The following SCAPER variants were observed in gnomAD, a reference collection of about 807,000 sequenced individuals.
SCAPER encodes S phase cyclin A-associated protein in the endoplasmic reticulum.
SCAPER carries 98 observed loss-of-function variants against 182.2 expected under a neutral mutation model. The observed-to-expected ratio is 0.54, with a 90% CI of 0.46 to 0.64. The LOEUF is 0.64. Among genes scored for constraint, SCAPER ranks in the 30% least tolerant of loss-of-function variants. The probability of loss-of-function intolerance (pLI) is 0.00; values close to 1 mark genes in which losing one functional copy is unlikely to be tolerated. For missense variants in SCAPER, 1,432 were observed against 1,690.0 expected (o/e 0.85, Z 2.68); for synonymous variants, 605 against 564.6 (o/e 1.07, Z -1.01).
At chr15:76,832,852 A>G (rs2151725107) in intron 5 of SCAPER, among the ~76,000 whole-genome samples, 1 of 152,272 alleles carries the variant, frequency 6.6e-6, no homozygotes, top group South Asian at 2.1e-4. Context: ...CCAGAAACAG[A>G]TGCTGGATGC....
chr15:76,388,909 T>A (rs1015194659), intron 27 of SCAPER, among the ~76,000 whole-genome samples: 1 of 149,932 alleles, frequency 6.7e-6, no homozygotes, highest in South Asian at 2.1e-4. Flanking sequence ...TGCAGTGAGC[T>A]GAGATCACGA....
At chr15:76,621,686 C>T in intron 22 of SCAPER, 78 bp downstream of exon 22, 1 of 1,143,972 alleles carries the variant, frequency 8.7e-7, no homozygotes, top group South Asian at 1.4e-5. Context: ...TTATTACAGA[C>T]ATAACATGAT....
At position 76,715,696 on chromosome 15, in the gene SCAPER, T is replaced by C. The variant is rs188016329; in HGVS notation, c.2166-9712A>G. 4.6e-5 allele frequency among the ~76,000 whole-genome samples: 7 copies of C among 152,220 alleles called. No homozygotes were observed. The East Asian group carries it at 1.2e-3, about 25-fold the overall frequency. ...AGCTACCATGTTACCCAGTTGGTTCTGGATCCCAAATGGCAACTGTTCACT... is the reference window on the plus strand; with the variant it reads ...AGCTACCATGTTACCCAGTTGGTTCCGGATCCCAAATGGCAACTGTTCACT... On this transcript the variant is annotated intron_variant, in intron 17 of 31. Transcript: ENST00000563290.
chr15:76,660,301 T>C (rs909407757), intron 21 of SCAPER, among the ~76,000 whole-genome samples: 3 of 152,196 alleles, frequency 2.0e-5, no homozygotes, highest in African/African-American at 7.2e-5. Context: ...GCTTATTACC[T>C]GGATGACAAA....
At chr15:76,540,028 G>A (rs2044591784) in intron 23 of SCAPER, among the ~76,000 whole-genome samples, 1 of 152,052 alleles carries the variant, frequency 6.6e-6, no homozygotes, top group Admixed American at 6.5e-5. Context: ...ACTATTCCAT[G>A]GAATACTATT....
chr15:76,829,565 T>C (rs2068279592), intron 5 of SCAPER, among the ~76,000 whole-genome samples: 1 of 152,166 alleles, frequency 6.6e-6, no homozygotes, highest in Non-Finnish European at 1.5e-5. Context: ...TTACTCCAAC[T>C]ACTCTCTTAC....
At chr15:76,485,950 G>A (rs1211096799) in intron 24 of SCAPER, among the ~76,000 whole-genome samples, 2 of 152,150 alleles carry the variant, frequency 1.3e-5, no homozygotes, top group Non-Finnish European at 2.9e-5. Flanking sequence ...GCTCATGCCT[G>A]TAATCTCAGT....
In SCAPER at chr15:76,471,219, T is replaced by C. The variant is rs1464854776; in HGVS notation, c.3071A>G (p.Gln1024Arg). The change falls in exon 25 of 32, where the codon CAG becomes CGG. Residue 1024 changes from glutamine (Q) to arginine (R), a missense_variant. This residue lies in a region of SCAPER where 718 missense variants were observed against 799.7 expected (regional missense o/e 0.90). Transcript: ENST00000563290. ...ITFLMDLLIH[Q>R]LTVYVPDENN... Reference sequence around the variant, plus strand: ...AGCAATAATATTACATACCGTCAACTGGTGTATCAGGAGGTCCATTAAGAA... The same window carrying C: ...AGCAATAATATTACATACCGTCAACCGGTGTATCAGGAGGTCCATTAAGAA... 1 of 1,606,562 alleles carries C rather than the reference T, an allele frequency of 6.2e-7. No homozygotes were observed. Among genetic ancestry groups the C allele is most frequent in the Non-Finnish European group, 8.5e-7 (1 of 1,177,030 alleles).
chr15:76,793,258 G>T, intron 8 of SCAPER: 1 of 1,027,222 alleles, frequency 9.7e-7, no homozygotes, highest in Non-Finnish European at 1.5e-6. Context: ...ATATATATTT[G>T]GTCTTCATCT....
At chr15:76,452,081 A>G (rs2048404572) in intron 25 of SCAPER, among the ~76,000 whole-genome samples, 1 of 151,798 alleles carries the variant, frequency 6.6e-6, no homozygotes, top group South Asian at 2.1e-4. Flanking sequence ...TTTTAGTCCC[A>G]CTATTCCATT....
intron 22 of SCAPER, chr15:76,576,767 A>T (rs968264888): frequency 2.0e-5 from 3 of 152,170 alleles, no homozygotes; most frequent in Non-Finnish European, 4.4e-5. Flanking sequence ...TGGCAGTGAG[A>T]CTTTGCCTTG....
chr15:76,524,911 G>A (rs2043092756), intron 23 of SCAPER, among the ~76,000 whole-genome samples: 1 of 151,716 alleles, frequency 6.6e-6, no homozygotes, highest in African/African-American at 2.4e-5. Context: ...CATAATTACT[G>A]ACCATATTAA....
At chr15:76,402,995 A>T (rs144627423) in intron 27 of SCAPER, among the ~76,000 whole-genome samples, 101 of 152,328 alleles carry the variant, frequency 6.6e-4, no homozygotes, top group African/African-American at 2.2e-3. Flanking sequence ...CACATACGGA[A>T]ATGCTTATAT....
At chr15:76,863,996 C>A (rs2072077273) in intron 2 of SCAPER, among the ~76,000 whole-genome samples, 1 of 152,122 alleles carries the variant, frequency 6.6e-6, no homozygotes, top group Admixed American at 6.6e-5. Flanking sequence ...TGTGAGTGAG[C>A]CATTTTGGAC....
chr15:76,512,355 A>T (rs1270192727), intron 23 of SCAPER, among the ~76,000 whole-genome samples: 1 of 152,114 alleles, frequency 6.6e-6, no homozygotes, highest in Non-Finnish European at 1.5e-5. Context: ...GACTGAAGGA[A>T]ATGTTCGCCC....
At chr15:76,713,706 C>T (rs1174034414) in intron 17 of SCAPER, among the ~76,000 whole-genome samples, 1 of 151,926 alleles carries the variant, frequency 6.6e-6, no homozygotes, top group African/African-American at 2.4e-5. Flanking sequence ...GTGCAGCACA[C>T]CAGCATGGCA....
intron 1 of SCAPER, among the ~76,000 whole-genome samples, chr15:76,899,429 G>A (rs942075380): frequency 6.6e-6 from 1 of 152,236 alleles, no homozygotes. Context: ...CTCCCGAGGT[G>A]CTGGGATTGC....
At chr15:76,876,189 C>A (rs1450966121) in intron 2 of SCAPER, among the ~76,000 whole-genome samples, 2 of 152,174 alleles carry the variant, frequency 1.3e-5, no homozygotes, top group Admixed American at 6.5e-5. Context: ...CCCGCCCGTG[C>A]CTCTCCCTCC....
chr15:76,348,609 C>T lies in SCAPER; in HGVS notation c.*24G>A. ...AATTTAAAATATTAACAAGGGTACT[C>T]AAATACAGAATCAACCAAAACATTT... On this transcript the variant is annotated 3_prime_UTR_variant, in exon 32 of 32. Transcript: ENST00000563290. 4 of 1,434,244 alleles carry T rather than the reference C, an allele frequency of 2.8e-6. No homozygotes were observed. The highest frequency in any genetic ancestry group is 3.8e-6 in the Non-Finnish European group (4 of 1,055,056). 88.8% of individuals were successfully genotyped at this position (1,434,244 alleles called of 1,614,324 possible).
Sources: gnomAD v4.1 joint callset for allele counts (sites outside exome capture counted in the v4.1 genomes callset) on GRCh38, gnomAD v4.1.1 for gene constraint, gnomAD v4.1.1 regional missense constraint, MANE v1.5 for transcripts, NCBI Gene and HGNC (gene_info 2026-07-23, HGNC 2026-07-21) for gene names.